The following SVEP1 variants were observed in gnomAD, a reference collection of about 807,000 sequenced individuals.
SVEP1 encodes sushi, von Willebrand factor type A, EGF and pentraxin domain-containing protein 1.
In SVEP1, 164 loss-of-function variants were observed where a neutral mutation model predicts 367.3. The observed-to-expected ratio is 0.45, with a 90% CI of 0.39 to 0.51. The LOEUF (loss-of-function observed/expected upper bound fraction) is 0.51, where lower values mean the gene tolerates loss of function less well. SVEP1 is among the 20% of genes least tolerant of loss of function. The pLI is 0.00. For synonymous variants in SVEP1, 1,666 were observed against 1,611.6 expected, an observed-to-expected ratio of 1.03 and a Z score of -0.81; for missense variants, 4,117 against 4,425.3, an observed-to-expected ratio of 0.93 and a Z score of 1.98.
intron 22 of SVEP1, among the ~76,000 whole-genome samples, chr9:110,452,640 A>C (rs2118617336): frequency 6.6e-6 from 1 of 152,336 alleles, no homozygotes; most frequent in South Asian, 2.1e-4. Flanking sequence ...TTAGAATATA[A>C]GCTGAGAGAA....
At chr9:110,438,566 G>A (rs910681120) in intron 27 of SVEP1, among the ~76,000 whole-genome samples, 1 of 152,052 alleles carries the variant, frequency 6.6e-6, no homozygotes. Context: ...TTAATTAAAC[G>A]GCCCCTTATT....
rs1243900436 is a variant in SVEP1 at position 110,437,995 on chromosome 9, T to C, written c.4640-1491A>G. On this transcript the variant is annotated intron_variant, in intron 27 of 47. Coordinates refer to ENST00000374469, the MANE Select transcript of SVEP1 (RefSeq NM_153366.4). ...AACTCCTCTTACCTAGAAATAATTA[T>C]TTAATAGTTTTTTGTATTTCTTTCC... Among the ~76,000 whole-genome samples, 7 of 152,180 alleles carry C rather than the reference T, an allele frequency of 4.6e-5. No homozygotes were observed. The East Asian group carries it at 1.2e-3, about 25-fold the overall frequency.
rs1470257663 is a variant in SVEP1, at chr9:110,456,516, T to C, written c.3673+740A>G. On this transcript the variant is annotated intron_variant, in intron 21 of 47. Transcript: ENST00000374469. Reference sequence around the variant, plus strand: ...TATAATAAATGGGATGCCAATATTCTAGATAGATCTTGGCTATACTTTGTT... The same window carrying C: ...TATAATAAATGGGATGCCAATATTCCAGATAGATCTTGGCTATACTTTGTT... 2.6e-5 allele frequency among the ~76,000 whole-genome samples: 4 copies of C among 152,330 alleles called. No individual in the cohort carries two copies. The East Asian group carries it at 7.7e-4, about 29-fold the overall frequency.
intron 1 of SVEP1, among the ~76,000 whole-genome samples, chr9:110,566,077 G>A (rs1357709640): frequency 6.6e-6 from 1 of 152,008 alleles, no homozygotes; most frequent in African/African-American, 2.4e-5. Context: ...CTAGCACTTT[G>A]GGAGGTTGAG....
intron 1 of SVEP1, among the ~76,000 whole-genome samples, chr9:110,572,103 A>C (rs28424261): frequency 0.29 from 39,270 of 136,338 alleles, 5,631 homozygotes; most frequent in African/African-American, 0.42. Flanking sequence ...AAGGTAATAT[A>C]GTAAGATATA....
At chr9:110,510,170 G>C (rs933201268) in intron 5 of SVEP1, among the ~76,000 whole-genome samples, 2 of 152,152 alleles carry the variant, frequency 1.3e-5, no homozygotes, top group African/African-American at 4.8e-5. Context: ...CAAGGTTCTT[G>C]GCTGCAGAGC....
At chr9:110,473,438 G>A (rs1829050858) in intron 14 of SVEP1, among the ~76,000 whole-genome samples, 2 of 140,932 alleles carry the variant, frequency 1.4e-5, no homozygotes. Context: ...ATGCATATGT[G>A]CATACATACA....
chr9:110,477,598 G>A (rs182098545), intron 13 of SVEP1, among the ~76,000 whole-genome samples: 3 of 151,734 alleles, frequency 2.0e-5, no homozygotes, highest in African/African-American at 7.3e-5. Flanking sequence ...TTTTTACGCC[G>A]ATCAAAATTG....
chr9:110,486,772 A>G (rs542973510), intron 9 of SVEP1, among the ~76,000 whole-genome samples: 261 of 151,482 alleles, frequency 1.7e-3, no homozygotes, highest in Middle Eastern at 0.014. Context: ...ATTCTCCTGA[A>G]TAGCTGAGAA....
chr9:110,450,355 G>C, intron 23 of SVEP1, 95 bp from the exon 24 acceptor site: 1 of 1,311,250 alleles, frequency 7.6e-7, no homozygotes, highest in Admixed American at 2.0e-5. Flanking sequence ...GCTGCTTCTA[G>C]AGGATTGGAA....
At chr9:110,459,965 AATT>A (rs1828832402) in intron 18 of SVEP1, among the ~76,000 whole-genome samples, 2 of 152,046 alleles carry the variant, frequency 1.3e-5, no homozygotes, top group South Asian at 4.2e-4. Context: ...CACTTAGACT[AATT>A]ATTTTTGCCA....
intron 1 of SVEP1, among the ~76,000 whole-genome samples, chr9:110,570,970 CTTTTTTT>C (rs374900472): frequency 2.6e-4 from 30 of 114,920 alleles, no homozygotes; most frequent in East Asian, 1.1e-3. Flanking sequence ...CAGATGGCTC[CTTTTTTT>C]TTTTTTTTTT....
chr9:110,542,966 A>T (rs5017941), intron 3 of SVEP1, among the ~76,000 whole-genome samples: 4,186 of 59,980 alleles, frequency 0.07, 204 homozygotes, highest in African/African-American at 0.18. Flanking sequence ...AAGTATAATT[A>T]AAAAAAAATA....
chr9:110,507,051 G>A (rs1441584459), intron 5 of SVEP1, among the ~76,000 whole-genome samples: 2 of 152,016 alleles, frequency 1.3e-5, no homozygotes, highest in Admixed American at 6.6e-5. Flanking sequence ...AAAAAGAGTC[G>A]GTGCCTGTTA....
intron 3 of SVEP1, among the ~76,000 whole-genome samples, chr9:110,541,294 A>G (rs1830142100): frequency 6.6e-6 from 1 of 152,044 alleles, no homozygotes; most frequent in Non-Finnish European, 1.5e-5. Flanking sequence ...CTTGTCATTG[A>G]CCTGAAGCTT....
chr9:110,393,159 A>C (rs1462911929), intron 40 of SVEP1, among the ~76,000 whole-genome samples: 1 of 152,196 alleles, frequency 6.6e-6, no homozygotes, highest in Non-Finnish European at 1.5e-5. Context: ...TTTGTTCATA[A>C]TTTTATATTA....
At chr9:110,451,961 G>A (rs1828700600) in intron 22 of SVEP1, among the ~76,000 whole-genome samples, 1 of 152,122 alleles carries the variant, frequency 6.6e-6, no homozygotes, top group Admixed American at 6.5e-5. Flanking sequence ...AGAGGTCTGT[G>A]ACATTGCCAA....
chr9:110,412,590 C>T (rs1685368309), intron 36 of SVEP1, among the ~76,000 whole-genome samples: 1 of 151,832 alleles, frequency 6.6e-6, no homozygotes, highest in Non-Finnish European at 1.5e-5. Context: ...AAGAAACTAC[C>T]ATCAGAGTGA....
intron 26 of SVEP1, 53 bp from the exon 27 acceptor site, chr9:110,443,773 C>T: frequency 7.1e-7 from 1 of 1,416,814 alleles, no homozygotes; most frequent in Non-Finnish European, 9.3e-7. Context: ...TGTTGCAATC[C>T]TTACTGTGGG....
Sources: gnomAD v4.1 joint callset for allele counts (sites outside exome capture counted in the v4.1 genomes callset) on GRCh38, gnomAD v4.1.1 for gene constraint, MANE v1.5 for transcripts, NCBI Gene and HGNC (gene_info 2026-07-23, HGNC 2026-07-21) for gene names.